The following MYL12B variants were observed in gnomAD, a reference collection of about 807,000 sequenced individuals.
The protein encoded by MYL12B is myosin light chain 12B, also known as myosin regulatory light chain 12B.
MYL12B carries 3 observed loss-of-function variants against 12.9 expected under a neutral mutation model. The ratio of observed to expected loss-of-function variants is 0.23; its 90% confidence interval spans 0.11 to 0.60. The LOEUF is 0.60. Among genes scored for constraint, MYL12B ranks in the 20% least tolerant of loss-of-function variants. The pLI, the probability that MYL12B is intolerant of heterozygous loss-of-function variation, is 0.89. For missense variants in MYL12B, 120 were observed against 215.4 expected, an observed-to-expected ratio of 0.56 and a Z score of 2.77; for synonymous variants, 57 against 71.9, an observed-to-expected ratio of 0.79 and a Z score of 1.05.
chr18:3,277,120 TC>T lies in MYL12B; in HGVS notation c.185-132del, dbSNP rs1238838255. 3.0e-4 allele frequency: 385 copies of T among 1,264,360 alleles called. 2 individuals carry two copies. The highest frequency in any genetic ancestry group is 8.8e-4 in the Middle Eastern group (3 of 3,398). 78.3% of individuals were successfully genotyped at this position (1,264,360 alleles called of 1,614,324 possible). A position where few individuals can be genotyped will look rare whatever the true frequency, so the allele number is the denominator to read the frequency against. Reference sequence around the variant, plus strand: ...GTCAAAAATAATCTTTTTAAAATGTTCTTAAAGTTAATTGAAAAATTAGTTT... The same window carrying T: ...GTCAAAAATAATCTTTTTAAAATGTTTTAAAGTTAATTGAAAAATTAGTTT... On this transcript the variant is annotated intron_variant, in intron 2 of 3. Coordinates refer to ENST00000237500, the MANE Select transcript of MYL12B (RefSeq NM_033546.4).
intron 1 of MYL12B, among the ~76,000 whole-genome samples, chr18:3,265,046 A>C (rs2081625581): frequency 6.6e-6 from 1 of 152,214 alleles, no homozygotes; most frequent in South Asian, 2.1e-4. Flanking sequence ...TAGAGAAAGA[A>C]ATGTCATTGT....
At chr18:3,276,860 A>T (rs2081735909) in intron 2 of MYL12B, 1 of 863,770 alleles carries the variant, frequency 1.2e-6, no homozygotes, top group Non-Finnish European at 1.4e-6. Flanking sequence ...AACATAGTGA[A>T]ACCCAGTCTT....
chr18:3,276,339 C>A, intron 2 of MYL12B: 1 of 716,988 alleles, frequency 1.4e-6, no homozygotes, highest in Non-Finnish European at 1.7e-6. Context: ...TGCTGCTTTT[C>A]CCACACCACG....
At chr18:3,266,421 T>C (rs762365952) in intron 1 of MYL12B, among the ~76,000 whole-genome samples, 1 of 152,140 alleles carries the variant, frequency 6.6e-6, no homozygotes, top group Non-Finnish European at 1.5e-5. Flanking sequence ...CAATATCTTA[T>C]TGTCACAATA....
At chr18:3,268,319 T>A (rs1265671134) in intron 1 of MYL12B, among the ~76,000 whole-genome samples, 1 of 152,264 alleles carries the variant, frequency 6.6e-6, no homozygotes, top group Non-Finnish European at 1.5e-5. Context: ...TGAGGGTTAT[T>A]ACATTCATTT....
intron 2 of MYL12B, among the ~76,000 whole-genome samples, chr18:3,276,738 T>C (rs905527474): frequency 4.6e-5 from 7 of 151,990 alleles, no homozygotes; most frequent in African/African-American, 1.4e-4. Context: ...ATTGATGTTA[T>C]CAACATTCAG....
intron 1 of MYL12B, among the ~76,000 whole-genome samples, chr18:3,269,622 G>T (rs985008539): frequency 3.3e-5 from 5 of 152,192 alleles, no homozygotes; most frequent in African/African-American, 1.2e-4. Flanking sequence ...TGAGTCCAAG[G>T]CTCCAAGGAA....
chr18:3,275,970 C>G (rs1442151824), intron 2 of MYL12B, among the ~76,000 whole-genome samples: 1 of 151,964 alleles, frequency 6.6e-6, no homozygotes, highest in Non-Finnish European at 1.5e-5. Flanking sequence ...TACATTTCAC[C>G]CAAATTCCCA....
chr18:3,273,223 A>G (rs2081697302), intron 2 of MYL12B, 141 bp downstream of exon 2: 6 of 955,768 alleles, frequency 6.3e-6, no homozygotes, highest in Non-Finnish European at 8.8e-6. Flanking sequence ...GGGAGGTGCT[A>G]TTTTGGGGCT....
intron 1 of MYL12B, among the ~76,000 whole-genome samples, chr18:3,268,931 T>C (rs2081655459): frequency 6.6e-6 from 1 of 152,128 alleles, no homozygotes; most frequent in Non-Finnish European, 1.5e-5. Context: ...TAATAAATGG[T>C]AGTAGCTGTA....
chr18:3,277,761 C>A lies in MYL12B; in HGVS notation c.347-4C>A. The A allele has an allele frequency of 6.2e-7, 1 of 1,609,430 alleles. No individual in the cohort carries two copies. The highest frequency in any genetic ancestry group is 8.5e-7 in the Non-Finnish European group (1 of 1,178,826). On this transcript the variant is annotated splice_region_variant and splice_polypyrimidine_tract_variant and intron_variant, in intron 3 of 3. Transcript: ENST00000237500. ...ACTGCTTTCTTCTTTCTATTGTCTT[C>A]CAGGCACCATTCAGGAAGATTACCT...
chr18:3,268,343 G>A (rs575289127), intron 1 of MYL12B, among the ~76,000 whole-genome samples: 2 of 152,304 alleles, frequency 1.3e-5, no homozygotes, highest in East Asian at 1.9e-4. Context: ...GCTGTGTTCT[G>A]TATGGCTATT....
At position 3,268,166 on chromosome 18, in the gene MYL12B, C is replaced by T. The variant is rs79216462; in HGVS notation, c.-15-4718C>T. ...TATATCCCCCTCAGATAAGGAGGGA[C>T]TGCTGTATCAATTCCTACATGCCTG... On this transcript the variant is annotated intron_variant, in intron 1 of 3. Transcript: ENST00000237500. Among the ~76,000 whole-genome samples the T allele has an allele frequency of 6.2e-3, 947 of 152,296 alleles. 31 individuals carry two copies. The East Asian group carries it at 0.097, about 16-fold the overall frequency.
chr18:3,277,941 A>T lies in MYL12B; in HGVS notation c.*4A>T. On this transcript the variant is annotated 3_prime_UTR_variant, in exon 4 of 4. Coordinates refer to ENST00000237500, the MANE Select transcript of MYL12B (RefSeq NM_033546.4). The stretch of plus-strand genomic sequence containing the variant: ...AGCCAAAGACAAAGATGACTGAAAG[A>T]ACTTTAGCTAAAATCTTCCAGTTAC... 6.2e-7 allele frequency: 1 copy of T among 1,612,842 alleles called. No homozygotes were observed. Among genetic ancestry groups the T allele is most frequent in the African/African-American group, 1.3e-5 (1 of 75,014 alleles).
chr18:3,263,317 A>G (rs1454298616), intron 1 of MYL12B, among the ~76,000 whole-genome samples: 3 of 152,230 alleles, frequency 2.0e-5, no homozygotes, highest in Non-Finnish European at 2.9e-5. Context: ...TGGTAAGAGA[A>G]GAATCAAAGC....
intron 1 of MYL12B, chr18:3,272,277 T>C (rs903653620): frequency 2.7e-6 from 2 of 739,504 alleles, no homozygotes; most frequent in Admixed American, 1.3e-4. Flanking sequence ...GGTTATGTTA[T>C]ACTGGTAGTA....
intron 2 of MYL12B, chr18:3,276,495 A>G: frequency 1.0e-6 from 1 of 985,120 alleles, no homozygotes; most frequent in Non-Finnish European, 1.2e-6. Flanking sequence ...CATTACAAAC[A>G]ATACCAAAGA....
chr18:3,267,304 A>G (rs1598806290), intron 1 of MYL12B, among the ~76,000 whole-genome samples: 1 of 152,248 alleles, frequency 6.6e-6, no homozygotes, highest in East Asian at 1.9e-4. Flanking sequence ...AGAAGCCTCA[A>G]AACAATGTTG....
intron 1 of MYL12B, among the ~76,000 whole-genome samples, chr18:3,272,602 G>A (rs1256024074): frequency 6.6e-6 from 1 of 152,142 alleles, no homozygotes; most frequent in Non-Finnish European, 1.5e-5. Flanking sequence ...AGTCTCAAGT[G>A]AGCCTCCCAC....
Sources: allele counts gnomAD v4.1 joint callset (sites outside exome capture counted in the v4.1 genomes callset), GRCh38; gene constraint gnomAD v4.1.1; transcripts MANE v1.5; gene names NCBI Gene and HGNC (gene_info 2026-07-23, HGNC 2026-07-21).